The following OTOG variants were observed in gnomAD, a reference collection of about 807,000 sequenced individuals.
OTOG encodes the protein otogelin.
OTOG carries 296 observed loss-of-function variants against 313.8 expected under a neutral mutation model. The ratio of observed to expected loss-of-function variants is 0.94; its 90% confidence interval spans 0.86 to 1.04. OTOG has a LOEUF of 1.04. Ranked by LOEUF, OTOG falls within the 50% of genes least tolerant of loss-of-function variation. The pLI is 0.00. For missense variants in OTOG, 3,948 were observed against 3,840.1 expected (o/e 1.03, Z -0.74); for synonymous variants, 1,533 against 1,554.9 (o/e 0.99, Z 0.33).
At chr11:17,575,715 A>T (rs1852507405) in intron 20 of OTOG, among the ~76,000 whole-genome samples, 1 of 152,156 alleles carries the variant, frequency 6.6e-6, no homozygotes, top group African/African-American at 2.4e-5. Flanking sequence ...GGTAAATAGG[A>T]ATCACTCATA....
chr11:17,574,699 A>C (rs541251470), intron 19 of OTOG, 21 bp from the exon 20 acceptor site: 2 of 1,544,160 alleles, frequency 1.3e-6, no homozygotes, highest in East Asian at 2.5e-5. Flanking sequence ...CAAAGCATGC[A>C]CCACTCCCCC....
intron 26 of OTOG, 95 bp downstream of exon 26, chr11:17,593,422 A>C: frequency 6.8e-7 from 1 of 1,471,466 alleles, no homozygotes; most frequent in South Asian, 1.3e-5. Flanking sequence ...TTACCATAGC[A>C]GTTTCTCTTG....
chr11:17,576,893 T>A lies in OTOG; in HGVS notation c.2587T>A (p.Cys863Ser), dbSNP rs1214933215. Reference protein sequence around the residue: ...HCHCKDGVMSCDSRAPAAACP... With the variant: ...HCHCKDGVMSSDSRAPAAACP... The stretch of plus-strand genomic sequence containing the variant: ...CCACTGCAAAGATGGAGTCATGAGC[T>A]GTGATAGCAGAGCCCCAGGTAAGGG... Residue 863 changes from cysteine to serine, a missense_variant, in exon 22 of 56, where the codon TGT (cysteine) becomes AGT (serine). Cys to Ser is a moderately radical substitution (Grantham distance 112, BLOSUM62 -1). Coordinates refer to ENST00000399397, the MANE Select transcript of OTOG (RefSeq NM_001292063.2). The A allele has an allele frequency of 6.5e-7, 1 of 1,550,278 alleles. No homozygotes were observed. Among genetic ancestry groups the A allele is most frequent in the East Asian group, 2.4e-5 (1 of 40,928 alleles).
chr11:17,628,917 A>G (rs1854047367), intron 39 of OTOG, among the ~76,000 whole-genome samples: 1 of 152,200 alleles, frequency 6.6e-6, no homozygotes, highest in Non-Finnish European at 1.5e-5. Flanking sequence ...GTATTTTTCC[A>G]ATAAAGATAT....
At chr11:17,624,573 A>C (rs1302067890) in intron 39 of OTOG, among the ~76,000 whole-genome samples, 2 of 152,098 alleles carry the variant, frequency 1.3e-5, no homozygotes, top group Non-Finnish European at 2.9e-5. Context: ...GTATAGTTTG[A>C]AGTTGAGTAG....
In OTOG at chr11:17,641,107, G is replaced by T; in HGVS notation, c.8190+16G>T. 6.6e-7 allele frequency: 1 copy of T among 1,524,078 alleles called. No individual in the cohort carries two copies. Among genetic ancestry groups the T allele is most frequent in the South Asian group, 1.2e-5 (1 of 82,876 alleles). The allele number at this position is 1,524,078 out of a possible 1,614,324, so 94.4% of individuals were successfully genotyped here. A position where few individuals can be genotyped will look rare whatever the true frequency, so the allele number is the denominator to read the frequency against. ...CTGTGAGGCGGTAGGGTGCAGCCCA[G>T]GGCGGGGTGGGTGGGGTTGGGAGGG... On this transcript the variant is annotated intron_variant, in intron 51 of 55. Transcript: ENST00000399397.
At chr11:17,549,850 T>A (rs1460668687) in intron 3 of OTOG, among the ~76,000 whole-genome samples, 1 of 150,874 alleles carries the variant, frequency 6.6e-6, no homozygotes, top group African/African-American at 2.4e-5. Flanking sequence ...GTGACAGGAG[T>A]TGGGGGGTGG....
At position 17,557,138 on chromosome 11, in the gene OTOG, T is replaced by C. The variant is rs756107368; in HGVS notation, c.680T>C (p.Met227Thr). Residue 227 changes from methionine to threonine, a missense_variant, in exon 8 of 56, where the codon ATG becomes ACG. Met to Thr is a moderately conservative substitution (Grantham distance 81, BLOSUM62 -1). Transcript: ENST00000399397. ...TGCAGGGTCCAACTGCCACATGTCATGGGGAGCGCGCGTCTGCAGCAGCTT... is the reference window on the plus strand; with the variant it reads ...TGCAGGGTCCAACTGCCACATGTCACGGGGAGCGCGCGTCTGCAGCAGCTT... ...GGMRVQLPHV[M>T]GSARLQQLAG... 2.1e-4 allele frequency: 330 copies of C among 1,550,176 alleles called. No individual in the cohort carries two copies. The highest frequency in any genetic ancestry group is 2.8e-4 in the Non-Finnish European group (322 of 1,146,984).
In OTOG at chr11:17,632,237, G is replaced by A. The variant is rs1046594492; in HGVS notation, c.7072+11G>A. ...GCTCTGACTACTGCCGTGAGTTTGC[G>A]GGGCAGGGGGACCCTCCATTGTGAC... is the stretch of plus-strand genomic sequence containing the variant. On this transcript the variant is annotated intron_variant, in intron 42 of 55. Transcript: ENST00000399397. 48 of 1,546,528 alleles carry A rather than the reference G, an allele frequency of 3.1e-5. No individual in the cohort carries two copies. The highest frequency in any genetic ancestry group is 6.0e-5 in the South Asian group (5 of 83,944).
chr11:17,593,846 C>T (rs1853019155), intron 27 of OTOG, 90 bp downstream of exon 27: 2 of 1,472,908 alleles, frequency 1.4e-6, no homozygotes, highest in East Asian at 2.5e-5. Context: ...CCCTGAGGAG[C>T]CAAGAAGAGC....
Position 17,631,857 on chromosome 11 carries a change from A to G in OTOG, c.6868A>G (p.Thr2290Ala), listed in dbSNP as rs1854135606. Residue 2290 changes from threonine (T) to alanine (A), a missense_variant, in exon 41 of 56, where the codon ACA becomes GCA. Transcript: ENST00000399397. ...QTRFRPDSCA[T>A]TDCSPCLRMV... is the part of the protein sequence containing the mutation. Reference sequence around the variant, plus strand: ...CCGCTTCCGCCCAGACAGCTGCGCCACAACTGACTGCTCGCCCTGCCTTCG... The same window carrying G: ...CCGCTTCCGCCCAGACAGCTGCGCCGCAACTGACTGCTCGCCCTGCCTTCG... 1.9e-6 allele frequency: 3 copies of G among 1,550,574 alleles called. No individual in the cohort carries two copies. Among genetic ancestry groups the G allele is most frequent in the African/African-American group, 1.4e-5 (1 of 73,170 alleles).
chr11:17,563,739 G>A (rs1223462903), intron 15 of OTOG, among the ~76,000 whole-genome samples: 1 of 151,838 alleles, frequency 6.6e-6, no homozygotes, highest in Non-Finnish European at 1.5e-5. Context: ...GGAGTGCAGT[G>A]GCGCAATCTC....
intron 39 of OTOG, among the ~76,000 whole-genome samples, chr11:17,621,691 C>A (rs1013404770): frequency 2.0e-5 from 3 of 152,160 alleles, no homozygotes; most frequent in Non-Finnish European, 2.9e-5. Context: ...AGGAAACCAC[C>A]AGGCTCTACC....
At chr11:17,605,784 TGTGCCAGGATGC>T in intron 32 of OTOG, 61 bp from the exon 33 acceptor site, 1 of 1,449,842 alleles carries the variant, frequency 6.9e-7, no homozygotes, top group Non-Finnish European at 9.3e-7. Context: ...AGAGCAGATG[TGTGCCAGGATGC>T]TGTTCCCGCA....
intron 29 of OTOG, 88 bp from the exon 30 acceptor site, chr11:17,596,763 A>T (rs1218042835): frequency 1.6e-6 from 2 of 1,232,754 alleles, no homozygotes; most frequent in South Asian, 2.9e-5. Flanking sequence ...TGGTCCCTTC[A>T]TGTTGGTGCT....
intron 39 of OTOG, among the ~76,000 whole-genome samples, chr11:17,619,230 G>T (rs914412641): frequency 1.2e-4 from 18 of 152,238 alleles, no homozygotes; most frequent in Non-Finnish European, 1.2e-4. Context: ...GTGATTGCAC[G>T]ACTGCACTCC....
At chr11:17,592,557 A>G (rs191398639) in intron 25 of OTOG, among the ~76,000 whole-genome samples, 1 of 152,336 alleles carries the variant, frequency 6.6e-6, no homozygotes, top group Admixed American at 6.5e-5. Flanking sequence ...ACACACACAC[A>G]CACACACTTT....
rs748866039 is a variant in OTOG, at chr11:17,576,895, T to A, written c.2589T>A (p.Cys863Ter). The change falls in exon 22 of 56, where the codon TGT becomes TGA. Residue 863 changes from cysteine to a stop codon, truncating the protein, a stop_gained. Transcript: ENST00000399397. LOFTEE classifies it high-confidence loss of function. ...ACTGCAAAGATGGAGTCATGAGCTG[T>A]GATAGCAGAGCCCCAGGTAAGGGTG... ...HCHCKDGVMS[C>*]DSRAPAAACP... 6.5e-7 allele frequency: 1 copy of A among 1,550,314 alleles called. No homozygotes were observed. Among genetic ancestry groups the A allele is most frequent in the South Asian group, 1.2e-5 (1 of 84,008 alleles).
chr11:17,591,709 CT>C (rs2134057984), intron 25 of OTOG, 121 bp downstream of exon 25: 3 of 1,288,292 alleles, frequency 2.3e-6, no homozygotes, highest in Middle Eastern at 2.3e-4. Context: ...TGAGGTGGGG[CT>C]ATCTAGAGAC....
Sources: allele counts gnomAD v4.1 joint callset (sites outside exome capture counted in the v4.1 genomes callset), GRCh38; gene constraint gnomAD v4.1.1; transcripts MANE v1.5; gene names NCBI Gene and HGNC (gene_info 2026-07-23, HGNC 2026-07-21).